Variants in DMRTA2 observed in about 807,000 individuals in gnomAD.
DMRTA2 encodes doublesex- and mab-3-related transcription factor A2.
A neutral mutation model predicts 29.7 loss-of-function variants in DMRTA2; 10 were observed. The ratio of observed to expected loss-of-function variants is 0.34; its 90% CI spans 0.21 to 0.57. The LOEUF is 0.57. Among genes scored for constraint, DMRTA2 ranks in the 20% least tolerant of loss-of-function variants. DMRTA2 has a pLI of 0.87. For missense variants in DMRTA2, 783 were observed against 812.1 expected (o/e 0.96, Z 0.44); for synonymous variants, 469 against 402.6 (o/e 1.16, Z -1.97).
At position 50,418,488 on chromosome 1, in the gene DMRTA2, C is replaced by A; in HGVS notation, c.*177G>T. On this transcript the variant is annotated 3_prime_UTR_variant, in exon 3 of 3. Transcript: ENST00000404795. Reference sequence around the variant, plus strand: ...ACACCTGCACCTGTCTGTAGCTGCTCCCCCTTTGCTCAGCCTTCCCCACCC... The same window carrying A: ...ACACCTGCACCTGTCTGTAGCTGCTACCCCTTTGCTCAGCCTTCCCCACCC... 1 of 442,250 alleles carries A rather than the reference C, an allele frequency of 2.3e-6. No individual in the cohort carries two copies. Among genetic ancestry groups the A allele is most frequent in the Non-Finnish European group, 3.7e-6 (1 of 272,182 alleles). 27.4% of individuals were successfully genotyped at this position (442,250 alleles called of 1,614,324 possible).
rs1646039258 is a variant in DMRTA2 at position 50,421,575 on chromosome 1, G to T, written c.-8-31C>A. ...GGGAAAGAAGGTGGGAGAGGGGAGA[G>T]ACCTGGTGAGGAGCACACCGCGCGC... On this transcript the variant is annotated intron_variant, in intron 1 of 2. Coordinates refer to ENST00000404795, the MANE Select transcript of DMRTA2 (RefSeq NM_032110.3). The surrounding 1 kb of genome is among the most constrained non-coding windows in gnomAD (Gnocchi z 8.7). 5 of 1,237,720 alleles carry T rather than the reference G, an allele frequency of 4.0e-6. No homozygotes were observed. The highest frequency in any genetic ancestry group is 5.0e-6 in the Non-Finnish European group (5 of 993,106). 76.7% of individuals were successfully genotyped at this position (1,237,720 alleles called of 1,614,324 possible). A position where few individuals can be genotyped will look rare whatever the true frequency, so the allele number is the denominator to read the frequency against.
At position 50,422,850 on chromosome 1, in the gene DMRTA2, C is replaced by T. The variant is rs915697462; in HGVS notation, c.-9+266G>A. Among the ~76,000 whole-genome samples the T allele has an allele frequency of 3.9e-5, 6 of 152,202 alleles. No homozygotes were observed. Among genetic ancestry groups the T allele is most frequent in the Non-Finnish European group, 8.8e-5 (6 of 68,030 alleles). The stretch of plus-strand genomic sequence containing the variant: ...TAAACGGACACCAGAGTCCCTCCCA[C>T]GCCGCAGCCCCATAAGGCCCAAGCA... On this transcript the variant is annotated intron_variant, in intron 1 of 2. Coordinates refer to ENST00000404795, the MANE Select transcript of DMRTA2 (RefSeq NM_032110.3). This position sits in a 1 kb window ranked among gnomAD's most constrained non-coding sequence, Gnocchi z 5.7.
At position 50,423,296 on chromosome 1, in the gene DMRTA2, C is replaced by T. The variant is rs1472493220; in HGVS notation, c.-189G>A. On this transcript the variant is annotated 5_prime_UTR_variant, in exon 1 of 3. Coordinates refer to ENST00000404795, the MANE Select transcript of DMRTA2 (RefSeq NM_032110.3). Reference sequence around the variant, plus strand: ...CAGAACGCAGCGCAGTCCAACCCTCCCTTCAGAAATCCGGGTCGGAGGCTC... The same window carrying T: ...CAGAACGCAGCGCAGTCCAACCCTCTCTTCAGAAATCCGGGTCGGAGGCTC... 3 of 152,266 alleles carry T rather than the reference C, an allele frequency of 2.0e-5. No homozygotes were observed. Among genetic ancestry groups the T allele is most frequent in the Non-Finnish European group, 2.9e-5 (2 of 68,044 alleles). 9.4% of individuals were successfully genotyped at this position (152,266 alleles called of 1,614,324 possible). A position where few individuals can be genotyped will look rare whatever the true frequency, so the allele number is the denominator to read the frequency against.
chr1:50,418,915 G>A lies in DMRTA2; in HGVS notation c.1379C>T (p.Pro460Leu). 1.4e-6 allele frequency: 2 copies of A among 1,440,364 alleles called. No individual in the cohort carries two copies. Among genetic ancestry groups the A allele is most frequent in the Non-Finnish European group, 1.8e-6 (2 of 1,103,030 alleles). 89.2% of individuals were successfully genotyped at this position (1,440,364 alleles called of 1,614,324 possible). ...ADAGAYPLGAPLGLSPLRLAY... is the reference protein window; with the variant it reads ...ADAGAYPLGALLGLSPLRLAY... Reference sequence around the variant, plus strand: ...CAGGCGCAGGGGGCTGAGGCCGAGCGGCGCGCCCAGCGGGTAGGCGCCCGC... The same window carrying A: ...CAGGCGCAGGGGGCTGAGGCCGAGCAGCGCGCCCAGCGGGTAGGCGCCCGC... Residue 460 changes from proline (P) to leucine (L), a missense_variant, in exon 3 of 3, where the codon CCG becomes CTG. Around this residue, in one of 3 missense-constraint regions of DMRTA2, gnomAD observed 667 missense variants for 624.8 expected, o/e 1.07. Coordinates refer to ENST00000404795, the MANE Select transcript of DMRTA2 (RefSeq NM_032110.3).
At position 50,421,216 on chromosome 1, in the gene DMRTA2, A is replaced by T. The variant is rs1181909270; in HGVS notation, c.321T>A (p.Arg107=). ...GCAGCGCCACCTGCGCCGCCATGAC[A>T]CGCTGGCGCTCCGCGATGAGCGTGC... The part of the protein sequence containing the change: ...AKCTLIAERQ[R]VMAAQVALRR... The change falls in exon 2 of 3, where the codon CGT becomes CGA. Residue 107 remains arginine (R), a synonymous_variant. Transcript: ENST00000404795. The surrounding 1 kb of genome is among the most constrained non-coding windows in gnomAD (Gnocchi z 8.7). 40 of 1,536,774 alleles carry T rather than the reference A, an allele frequency of 2.6e-5. No homozygotes were observed. The highest frequency in any genetic ancestry group is 3.3e-5 in the Non-Finnish European group (38 of 1,141,360).
chr1:50,417,691 G>A lies in DMRTA2; in HGVS notation c.*974C>T, dbSNP rs749734179. On this transcript the variant is annotated 3_prime_UTR_variant, in exon 3 of 3. Coordinates refer to ENST00000404795, the MANE Select transcript of DMRTA2 (RefSeq NM_032110.3). ...AGTCCCGGGAGGCGAGGATGGGCCC[G>A]CGAGCGGGCGGTTCTGGCTCAGTCA... 19 of 152,372 alleles carry A rather than the reference G, an allele frequency of 1.2e-4. No homozygotes were observed. The highest frequency in any genetic ancestry group is 2.4e-4 in the Non-Finnish European group (16 of 68,054). The allele number at this position is 152,372 out of a possible 1,614,324, so 9.4% of individuals were successfully genotyped here.
chr1:50,419,441 C>T lies in DMRTA2; in HGVS notation c.853G>A (p.Gly285Ser). The change falls in exon 3 of 3, where the codon GGC (glycine) becomes AGC (serine). Residue 285 changes from glycine (G) to serine (S), a missense_variant. By Grantham distance (56) the Gly-to-Ser change is moderately conservative (BLOSUM62 0). Coordinates refer to ENST00000404795, the MANE Select transcript of DMRTA2 (RefSeq NM_032110.3). This position sits in a 1 kb window ranked among gnomAD's most constrained non-coding sequence, Gnocchi z 6.1. The stretch of plus-strand genomic sequence containing the variant: ...TCAGCCTCTGAACCGGATTCAGAGC[C>T]CAGAGGGCTAGCGGAGCCCGGGCTG... ...EDSPGSASPL[G>S]SESGSEADKE... The T allele has an allele frequency of 1.3e-6, 2 of 1,598,842 alleles. No homozygotes were observed. The highest frequency in any genetic ancestry group is 1.1e-5 in the South Asian group (1 of 90,460).
At position 50,418,880 on chromosome 1, in the gene DMRTA2, CGGA is replaced by C. The variant is rs1557939399; in HGVS notation, c.1411_1413del (p.Ser471del). 6.6e-7 allele frequency: 1 copy of C among 1,509,150 alleles called. No individual in the cohort carries two copies. Among genetic ancestry groups the C allele is most frequent in the South Asian group, 1.3e-5 (1 of 78,118 alleles). 93.5% of individuals were successfully genotyped at this position (1,509,150 alleles called of 1,614,324 possible). A position where few individuals can be genotyped will look rare whatever the true frequency, so the allele number is the denominator to read the frequency against. On this transcript the variant is annotated inframe_deletion, in exon 3 of 3. Transcript: ENST00000404795. ...AGACCGCGGCTGTGCGCCGCCGCCG[CGGA>C]GTAGGCCAGGCGCAGGGGGCTGAGG...
At position 50,421,347 on chromosome 1, in the gene DMRTA2, AC is replaced by A; in HGVS notation, c.189del (p.Lys63AsnfsTer152). 1 of 1,520,522 alleles carries A rather than the reference AC, an allele frequency of 6.6e-7. No individual in the cohort carries two copies. The highest frequency in any genetic ancestry group is 8.8e-7 in the Non-Finnish European group (1 of 1,134,060). 94.2% of individuals were successfully genotyped at this position (1,520,522 alleles called of 1,614,324 possible). A position where few individuals can be genotyped will look rare whatever the true frequency, so the allele number is the denominator to read the frequency against. The part of the protein sequence containing the change: ...GPPLLLRAAE[K>X]YPRTPKCARC... The stretch of plus-strand genomic sequence containing the variant: ...CGCGCGCACTTGGGGGTCCGCGGGT[AC>A]TTCTCGGCTGCCCGCAGCAACAGTG... On this transcript the variant is annotated frameshift_variant, in exon 2 of 3. Coordinates refer to ENST00000404795, the MANE Select transcript of DMRTA2 (RefSeq NM_032110.3). LOFTEE classifies it high-confidence loss of function. The surrounding 1 kb of genome is among the most constrained non-coding windows in gnomAD (Gnocchi z 8.7).
rs1170432494 is a variant in DMRTA2, at chr1:50,419,077, A to AGCGGCGCAG, written c.1208_1216dup (p.Pro403_Pro405dup). On this transcript the variant is annotated inframe_insertion, in exon 3 of 3. Coordinates refer to ENST00000404795, the MANE Select transcript of DMRTA2 (RefSeq NM_032110.3). This position sits in a 1 kb window ranked among gnomAD's most constrained non-coding sequence, Gnocchi z 6.1. Reference sequence around the variant, plus strand: ...CGGAGGTGCGGCGGGCCCCGCCTGCAGCGGCGCAGGCAGCCCAGGCCCCCC... The same window carrying AGCGGCGCAG: ...CGGAGGTGCGGCGGGCCCCGCCTGCAGCGGCGCAGGCGGCGCAGGCAGCCCAGGCCCCCC... The AGCGGCGCAG allele has an allele frequency of 3.2e-6, 4 of 1,260,830 alleles. No homozygotes were observed. Among genetic ancestry groups the AGCGGCGCAG allele is most frequent in the Non-Finnish European group, 3.0e-6 (3 of 1,006,540 alleles). 78.1% of individuals were successfully genotyped at this position (1,260,830 alleles called of 1,614,324 possible).
At position 50,420,995 on chromosome 1, in the gene DMRTA2, G is replaced by C. The variant is rs749311062; in HGVS notation, c.542C>G (p.Ala181Gly). ...GCTCTCACCTGAGCCCCCTGCGCCA[G>C]CTGCTCCGCCTCCGGTCCCCGCGGG... The part of the protein sequence containing the change: ...GAPAGTGGGA[A>G]GAGGSEAKLQ... The change falls in exon 2 of 3, where the codon GCT (alanine) becomes GGT (glycine). Residue 181 changes from alanine (A) to glycine (G), a missense_variant. Coordinates refer to ENST00000404795, the MANE Select transcript of DMRTA2 (RefSeq NM_032110.3). This position sits in a 1 kb window ranked among gnomAD's most constrained non-coding sequence, Gnocchi z 4.1. The C allele has an allele frequency of 6.7e-7, 1 of 1,503,152 alleles. No homozygotes were observed. The highest frequency in any genetic ancestry group is 1.2e-5 in the South Asian group (1 of 80,832). The allele number at this position is 1,503,152 out of a possible 1,614,324, so 93.1% of individuals were successfully genotyped here. A position where few individuals can be genotyped will look rare whatever the true frequency, so the allele number is the denominator to read the frequency against.
Position 50,418,642 on chromosome 1 carries a change from G to A in DMRTA2, c.*23C>T. ...GGGCTGGGGTTCCTGTTTGGGGACCGGCCGGCTGCCAGGCCCCTCGCCCTA... is the reference window on the plus strand; with the variant it reads ...GGGCTGGGGTTCCTGTTTGGGGACCAGCCGGCTGCCAGGCCCCTCGCCCTA... On this transcript the variant is annotated 3_prime_UTR_variant, in exon 3 of 3. Transcript: ENST00000404795. 7.3e-7 allele frequency: 1 copy of A among 1,368,016 alleles called. No homozygotes were observed. Among genetic ancestry groups the A allele is most frequent in the African/African-American group, 1.5e-5 (1 of 65,256 alleles). The allele number at this position is 1,368,016 out of a possible 1,614,324, so 84.7% of individuals were successfully genotyped here. A position where few individuals can be genotyped will look rare whatever the true frequency, so the allele number is the denominator to read the frequency against.
rs998706543 is a variant in DMRTA2, at chr1:50,419,257, G to C, written c.1037C>G (p.Ala346Gly). Reference sequence around the variant, plus strand: ...GTGGTGGTTCAGCACCTGCTCGATGGCCTGCACCACGTCGCCGCCGCAGCC... The same window carrying C: ...GTGGTGGTTCAGCACCTGCTCGATGCCCTGCACCACGTCGCCGCCGCAGCC... Reference protein sequence around the residue: ...LQGCGGDVVQAIEQVLNHHRG... With the variant: ...LQGCGGDVVQGIEQVLNHHRG... The change falls in exon 3 of 3, where the codon GCC becomes GGC. Residue 346 changes from alanine to glycine, a missense_variant. Coordinates refer to ENST00000404795, the MANE Select transcript of DMRTA2 (RefSeq NM_032110.3). This position sits in a 1 kb window ranked among gnomAD's most constrained non-coding sequence, Gnocchi z 6.1. 3.8e-6 allele frequency: 6 copies of C among 1,585,414 alleles called. No individual in the cohort carries two copies. In the African/African-American group the frequency reaches 8.2e-5, roughly 22 times the overall value.
rs757587924 is a variant in DMRTA2, at chr1:50,419,562, G to T, written c.732C>A (p.Gly244=). The part of the protein sequence containing the change: ...RPGSGSENGD[G]ESFSGSPLAR... The stretch of plus-strand genomic sequence containing the variant: ...CTAGGGGCGAACCAGAAAAGGACTC[G>T]CCATCGCCGTTCTCCGAGCCTGAGC... Residue 244 remains glycine (G), a synonymous_variant, in exon 3 of 3, where the codon GGC becomes GGA. Coordinates refer to ENST00000404795, the MANE Select transcript of DMRTA2 (RefSeq NM_032110.3). The surrounding 1 kb of genome is among the most constrained non-coding windows in gnomAD (Gnocchi z 6.1). 9 of 1,560,450 alleles carry T rather than the reference G, an allele frequency of 5.8e-6. No individual in the cohort carries two copies. The highest frequency in any genetic ancestry group is 1.4e-5 in the African/African-American group (1 of 71,924).
rs1646044594 is a variant in DMRTA2 at position 50,422,364 on chromosome 1, C to G, written c.-9+752G>C. Among the ~76,000 whole-genome samples, 1 of 152,136 alleles carries G rather than the reference C, an allele frequency of 6.6e-6. No homozygotes were observed. The highest frequency in any genetic ancestry group is 2.4e-5 in the African/African-American group (1 of 41,428). ...AAAGAGAAAAATTCGGCCAAAGAAA[C>G]TTTCTGTATAGGCAAACCCAGCCCA... On this transcript the variant is annotated intron_variant, in intron 1 of 2. Transcript: ENST00000404795. This position sits in a 1 kb window ranked among gnomAD's most constrained non-coding sequence, Gnocchi z 5.7.
Position 50,422,507 on chromosome 1 carries a change from G to A in DMRTA2, c.-9+609C>T, listed in dbSNP as rs537992308. The stretch of plus-strand genomic sequence containing the variant: ...AGAAAAAACCCCACAGGCAAATGCT[G>A]GGGGAGGGGATTGGGTAAAACCTGT... On this transcript the variant is annotated intron_variant, in intron 1 of 2. Transcript: ENST00000404795. This position sits in a 1 kb window ranked among gnomAD's most constrained non-coding sequence, Gnocchi z 5.7. Among the ~76,000 whole-genome samples, 3 of 152,262 alleles carry A rather than the reference G, an allele frequency of 2.0e-5. No individual in the cohort carries two copies. Among genetic ancestry groups the A allele is most frequent in the East Asian group, 3.9e-4 (2 of 5,162 alleles).
chr1:50,421,288 C>CA lies in DMRTA2; in HGVS notation c.248_249insT (p.Lys83AsnfsTer112). On this transcript the variant is annotated frameshift_variant, in exon 2 of 3. Coordinates refer to ENST00000404795, the MANE Select transcript of DMRTA2 (RefSeq NM_032110.3). LOFTEE classifies it high-confidence loss of function. This position sits in a 1 kb window ranked among gnomAD's most constrained non-coding sequence, Gnocchi z 8.7. ...TCCAGCGACAGTAGCGTTTGTGGCC[C>CA]TTGAGGGCCGACACCACGCCATGGT... The CA allele has an allele frequency of 6.5e-7, 1 of 1,534,272 alleles. No homozygotes were observed. The highest frequency in any genetic ancestry group is 8.8e-7 in the Non-Finnish European group (1 of 1,139,974).
chr1:50,418,772 G>C lies in DMRTA2; in HGVS notation c.1522C>G (p.Leu508Val). Residue 508 changes from leucine (L) to valine (V), a missense_variant, in exon 3 of 3, where the codon CTC becomes GTC. Leu to Val is a conservative substitution (Grantham distance 32, BLOSUM62 1). Coordinates refer to ENST00000404795, the MANE Select transcript of DMRTA2 (RefSeq NM_032110.3). ...RPPMDYAFSD[L>V]MRDRSAAAAA... Reference sequence around the variant, plus strand: ...GCGGCGGCCGAGCGGTCACGCATGAGATCGCTAAAGGCGTAGTCCATGGGT... The same window carrying C: ...GCGGCGGCCGAGCGGTCACGCATGACATCGCTAAAGGCGTAGTCCATGGGT... 1.3e-6 allele frequency: 2 copies of C among 1,585,776 alleles called. No individual in the cohort carries two copies. The highest frequency in any genetic ancestry group is 1.4e-5 in the African/African-American group (1 of 72,426).
At position 50,421,295 on chromosome 1, in the gene DMRTA2, G is replaced by A. The variant is rs1200355223; in HGVS notation, c.242C>T (p.Ala81Val). Residue 81 changes from alanine (A) to valine (V), a missense_variant, in exon 2 of 3, where the codon GCC becomes GTC. By Grantham distance (64) the Ala-to-Val change is moderately conservative. Transcript: ENST00000404795. The surrounding 1 kb of genome is among the most constrained non-coding windows in gnomAD (Gnocchi z 8.7). ...ACAGTAGCGTTTGTGGCCCTTGAGG[G>A]CCGACACCACGCCATGGTTGCGACA... ...ARCRNHGVVS[A>V]LKGHKRYCRW... 1.3e-6 allele frequency: 2 copies of A among 1,532,984 alleles called. No individual in the cohort carries two copies. Among genetic ancestry groups the A allele is most frequent in the Non-Finnish European group, 1.8e-6 (2 of 1,139,400 alleles). The allele number at this position is 1,532,984 out of a possible 1,614,324, so 95.0% of individuals were successfully genotyped here. A position where few individuals can be genotyped will look rare whatever the true frequency, so the allele number is the denominator to read the frequency against.
Sources: gnomAD v4.1 joint callset for allele counts (sites outside exome capture counted in the v4.1 genomes callset) on GRCh38, gnomAD v4.1.1 for gene constraint, gnomAD v4.1.1 regional missense constraint, Gnocchi (gnomAD v3.1) non-coding constraint, MANE v1.5 for transcripts, NCBI Gene and HGNC (gene_info 2026-07-23, HGNC 2026-07-21) for gene names.